Variants in EYA4 observed in about 807,000 individuals in gnomAD.
EYA4 encodes the protein protein phosphatase EYA4.
Under a neutral mutation model 87.9 loss-of-function variants are expected in EYA4, and 31 were observed. That is an observed-to-expected ratio of 0.35 (90% CI 0.27 to 0.48). The LOEUF (loss-of-function observed/expected upper bound fraction) is 0.48, where lower values mean the gene tolerates loss of function less well. Among genes scored for constraint, EYA4 ranks in the 20% least tolerant of loss-of-function variants. The pLI is 0.99. For missense variants in EYA4, 678 were observed against 761.4 expected, an observed-to-expected ratio of 0.89 and a Z score of 1.29; for synonymous variants, 263 against 270.6, an observed-to-expected ratio of 0.97 and a Z score of 0.28.
intron 2 of EYA4, among the ~76,000 whole-genome samples, chr6:133,282,501 ATTATC>A (rs1777706939): frequency 6.6e-6 from 1 of 152,162 alleles, no homozygotes; most frequent in Non-Finnish European, 1.5e-5. Context: ...TTCATTAATT[ATTATC>A]TTCTATGAAC....
intron 2 of EYA4, among the ~76,000 whole-genome samples, chr6:133,293,170 T>G (rs1315249808): frequency 6.6e-6 from 1 of 152,178 alleles, no homozygotes; most frequent in African/African-American, 2.4e-5. Context: ...TTGCAGAAAT[T>G]TAGCTGTCTT....
At chr6:133,320,512 C>G (rs1781006739) in intron 2 of EYA4, among the ~76,000 whole-genome samples, 1 of 150,948 alleles carries the variant, frequency 6.6e-6, no homozygotes, top group African/African-American at 2.4e-5. Flanking sequence ...GTTGCATTCT[C>G]ATGGATTCAT....
At chr6:133,455,237 C>T (rs956773232) in intron 5 of EYA4, among the ~76,000 whole-genome samples, 1 of 152,064 alleles carries the variant, frequency 6.6e-6, no homozygotes, top group Non-Finnish European at 1.5e-5. Context: ...AAAGTAATAA[C>T]CACCAATTCA....
intron 13 of EYA4, chr6:133,502,181 T>A (rs1328164067): frequency 6.6e-6 from 1 of 152,110 alleles, no homozygotes; most frequent in Non-Finnish European, 1.5e-5. Context: ...CCTATTAAAC[T>A]CTGTTGTAGA....
chr6:133,384,150 C>T (rs924835408), intron 3 of EYA4, among the ~76,000 whole-genome samples: 1 of 152,078 alleles, frequency 6.6e-6, no homozygotes, highest in Non-Finnish European at 1.5e-5. Context: ...TAACAGAAAG[C>T]GATCAAACTG....
At chr6:133,445,248 C>T (rs1245499105) in intron 3 of EYA4, among the ~76,000 whole-genome samples, 3 of 152,140 alleles carry the variant, frequency 2.0e-5, no homozygotes, top group Non-Finnish European at 4.4e-5. Context: ...GTTGTTGTCA[C>T]ATATTATATA....
At position 133,456,631 on chromosome 6, in the gene EYA4, A is replaced by T. The variant is rs776903263; in HGVS notation, c.353A>T (p.Asp118Val). Reference sequence around the variant, plus strand: ...GCCACGACTGGAGATGGAGCGCTTGACACTTTTACTGGGTCAGGTAAAGCC... The same window carrying T: ...GCCACGACTGGAGATGGAGCGCTTGTCACTTTTACTGGGTCAGGTAAAGCC... The part of the protein sequence containing the change: ...TTATTGDGAL[D>V]TFTGSVITSS... Residue 118 changes from aspartate to valine, a missense_variant, in exon 6 of 20, where the codon GAC (aspartate) becomes GTC (valine). Physicochemically the swap from Asp to Val is radical, Grantham distance 152. Coordinates refer to ENST00000355286, the MANE Select transcript of EYA4 (RefSeq NM_004100.5). 6.8e-6 allele frequency: 11 copies of T among 1,612,816 alleles called. No homozygotes were observed. The highest frequency in any genetic ancestry group is 9.3e-6 in the Non-Finnish European group (11 of 1,178,852).
At chr6:133,261,168 G>C (rs915857179) in intron 1 of EYA4, among the ~76,000 whole-genome samples, 3 of 152,126 alleles carry the variant, frequency 2.0e-5, no homozygotes, top group African/African-American at 7.2e-5. Flanking sequence ...CTCACTTGGA[G>C]CGTCACAGCA....
chr6:133,345,239 GT>G (rs1373338167), intron 2 of EYA4, among the ~76,000 whole-genome samples: 3 of 152,112 alleles, frequency 2.0e-5, no homozygotes, highest in African/African-American at 7.2e-5. Context: ...TTTTCATATA[GT>G]TTGCTAATTA....
chr6:133,338,616 C>A (rs1040716728), intron 2 of EYA4, among the ~76,000 whole-genome samples: 2 of 152,094 alleles, frequency 1.3e-5, no homozygotes, highest in Admixed American at 1.3e-4. Flanking sequence ...TGATATAAAA[C>A]CATGAATCCT....
chr6:133,301,936 A>C (rs1305193828), intron 2 of EYA4, among the ~76,000 whole-genome samples: 1 of 152,240 alleles, frequency 6.6e-6, no homozygotes, highest in Non-Finnish European at 1.5e-5. Flanking sequence ...AGCTGTGGGC[A>C]CATCTGCCTG....
At chr6:133,475,688 G>C (rs760308059) in intron 11 of EYA4, among the ~76,000 whole-genome samples, 7 of 152,112 alleles carry the variant, frequency 4.6e-5, no homozygotes, top group Non-Finnish European at 5.9e-5. Flanking sequence ...CTGTGGCATT[G>C]CTATGCCCTT....
rs187057573 is a variant in EYA4, at chr6:133,387,062, A to G, written c.83+4621A>G. ...ATGACTTTCCGTTTTTTAAAGAAGC[A>G]TTGGAATTAGTTTCAGTTTAATATG... On this transcript the variant is annotated intron_variant, in intron 3 of 19. Coordinates refer to ENST00000355286, the MANE Select transcript of EYA4 (RefSeq NM_004100.5). Among the ~76,000 whole-genome samples, 466 of 152,320 alleles carry G rather than the reference A, an allele frequency of 3.1e-3. 1 individual carries two copies. The highest frequency in any genetic ancestry group is 5.0e-3 in the Non-Finnish European group (343 of 68,016).
chr6:133,332,270 T>C (rs1270754912), intron 2 of EYA4, among the ~76,000 whole-genome samples: 1 of 152,252 alleles, frequency 6.6e-6, no homozygotes, highest in Non-Finnish European at 1.5e-5. Flanking sequence ...AGAGGGTCTT[T>C]AAGAACAAAA....
intron 1 of EYA4, among the ~76,000 whole-genome samples, chr6:133,251,680 TG>T (rs1774915635): frequency 6.6e-6 from 1 of 152,194 alleles, no homozygotes; most frequent in Admixed American, 6.5e-5. Context: ...CCTGGTAGGA[TG>T]CTTAGTGGCA....
intron 3 of EYA4, among the ~76,000 whole-genome samples, chr6:133,427,604 A>G (rs1790784976): frequency 6.6e-6 from 1 of 152,228 alleles, no homozygotes. Flanking sequence ...TGAAGTCCTT[A>G]GCTCAAAATT....
intron 2 of EYA4, among the ~76,000 whole-genome samples, chr6:133,338,407 A>AG (rs1288227176): frequency 6.6e-6 from 1 of 152,218 alleles, no homozygotes; most frequent in Non-Finnish European, 1.5e-5. Context: ...ATTTTACTAT[A>AG]GTTCTTCAAT....
intron 13 of EYA4, among the ~76,000 whole-genome samples, chr6:133,489,327 G>C (rs1044191726): frequency 1.3e-5 from 2 of 152,128 alleles, no homozygotes; most frequent in Non-Finnish European, 2.9e-5. Flanking sequence ...GGTGGGGCTA[G>C]AAGGTTTATT....
chr6:133,274,745 T>C lies in EYA4; in HGVS notation c.-36T>C. Reference sequence around the variant, plus strand: ...TCATTTTTACTTGAAGGAAGCTGCTTCTACTTGGGAGTGGCAGGAGAAGTG... The same window carrying C: ...TCATTTTTACTTGAAGGAAGCTGCTCCTACTTGGGAGTGGCAGGAGAAGTG... On this transcript the variant is annotated 5_prime_UTR_variant, in exon 2 of 20. Coordinates refer to ENST00000355286, the MANE Select transcript of EYA4 (RefSeq NM_004100.5). 1 of 1,600,998 alleles carries C rather than the reference T, an allele frequency of 6.2e-7. No individual in the cohort carries two copies.
Sources: gnomAD v4.1 joint callset for allele counts (sites outside exome capture counted in the v4.1 genomes callset) on GRCh38, gnomAD v4.1.1 for gene constraint, MANE v1.5 for transcripts, NCBI Gene and HGNC (gene_info 2026-07-23, HGNC 2026-07-21) for gene names.